Variants in COL24A1 observed in about 807,000 individuals in gnomAD.
The protein encoded by COL24A1 is collagen type XXIV alpha 1 chain, also known as collagen alpha-1(XXIV) chain.
A neutral mutation model predicts 253.9 loss-of-function variants in COL24A1; 224 were observed. The observed-to-expected ratio is 0.88, with a 90% confidence interval of 0.79 to 0.99. COL24A1 has a LOEUF of 0.99. COL24A1 is among the 50% of genes least tolerant of loss of function. The pLI, the probability that COL24A1 is intolerant of heterozygous loss-of-function variation, is 0.00. For missense variants in COL24A1, 2,131 were observed against 2,068.5 expected, an observed-to-expected ratio of 1.03 and a Z score of -0.59; for synonymous variants, 685 against 673.7, an observed-to-expected ratio of 1.02 and a Z score of -0.26.
chr1:85,875,140 T>C, intron 34 of COL24A1, 137 bp downstream of exon 34: 1 of 726,870 alleles, frequency 1.4e-6, no homozygotes, highest in Non-Finnish European at 2.3e-6. Context: ...GAATAGGAGT[T>C]CCAAAACATT....
chr1:85,997,039 A>ATGTGTGTGTGTGTGTGTGTGTG (rs1491173763), intron 19 of COL24A1, among the ~76,000 whole-genome samples: 24 of 48,444 alleles, frequency 5.0e-4, no homozygotes, highest in South Asian at 1.8e-3. Context: ...ATATATATAT[A>ATGTGTGTGTGTGTGTGTGTGTG]TATGTGTGTG....
At chr1:85,994,962 T>G (rs1362720559) in intron 19 of COL24A1, among the ~76,000 whole-genome samples, 1 of 152,190 alleles carries the variant, frequency 6.6e-6, no homozygotes, top group Non-Finnish European at 1.5e-5. Flanking sequence ...TAGTGACTAC[T>G]GCTATTCATA....
At chr1:86,114,792 T>C (rs948845129) in intron 4 of COL24A1, among the ~76,000 whole-genome samples, 2 of 152,218 alleles carry the variant, frequency 1.3e-5, no homozygotes, top group Non-Finnish European at 2.9e-5. Flanking sequence ...TGTAGTAAAA[T>C]ATCCACACTT....
At chr1:86,079,582 A>C (rs1453328648) in intron 7 of COL24A1, among the ~76,000 whole-genome samples, 2 of 152,216 alleles carry the variant, frequency 1.3e-5, no homozygotes, top group East Asian at 1.9e-4. Context: ...ACTAGAATGT[A>C]GAAGGTGCTC....
In COL24A1 at chr1:86,125,360, C is replaced by A; in HGVS notation, c.976G>T (p.Asp326Tyr). 6.2e-7 allele frequency: 1 copy of A among 1,613,612 alleles called. No individual in the cohort carries two copies. The highest frequency in any genetic ancestry group is 8.5e-7 in the Non-Finnish European group (1 of 1,179,792). Residue 326 changes from aspartate to tyrosine, a missense_variant, in exon 3 of 60, where the codon GAT (aspartate) becomes TAT (tyrosine). Asp to Tyr is a radical substitution (Grantham distance 160, BLOSUM62 -3). Transcript: ENST00000370571. ...SLQSGNVSAV[D>Y]LTNHGIQAKE... is the part of the protein sequence containing the mutation. ...GCCTGAATCCCATGGTTTGTGAGAT[C>A]CACAGCAGAGACATTTCCTGACTGA...
intron 20 of COL24A1, among the ~76,000 whole-genome samples, chr1:85,981,211 G>T (rs751402003): frequency 4.6e-5 from 7 of 152,072 alleles, no homozygotes; most frequent in Non-Finnish European, 8.8e-5. Context: ...TAAGCAAAAA[G>T]AACAAATCTG....
At chr1:85,890,867 C>T (rs1683050372) in intron 31 of COL24A1, among the ~76,000 whole-genome samples, 1 of 151,970 alleles carries the variant, frequency 6.6e-6, no homozygotes, top group Non-Finnish European at 1.5e-5. Flanking sequence ...TTCCTTTTTT[C>T]CCCATCTTTA....
intron 32 of COL24A1, among the ~76,000 whole-genome samples, chr1:85,887,867 C>A (rs1258103247): frequency 1.3e-5 from 2 of 151,956 alleles, no homozygotes; most frequent in Non-Finnish European, 2.9e-5. Flanking sequence ...AGATCTTTTT[C>A]TTTTCTCACT....
intron 5 of COL24A1, among the ~76,000 whole-genome samples, chr1:86,112,101 GGTTA>G (rs1705677342): frequency 6.6e-6 from 1 of 152,066 alleles, no homozygotes; most frequent in Admixed American, 6.6e-5. Flanking sequence ...TAGATTTTCA[GGTTA>G]GTTGTTTTCA....
chr1:85,832,990 T>A (rs1193600498), intron 43 of COL24A1, among the ~76,000 whole-genome samples: 1 of 151,878 alleles, frequency 6.6e-6, no homozygotes, highest in Non-Finnish European at 1.5e-5. Context: ...AGAGAGGGCA[T>A]CCCTGTCTTG....
chr1:86,066,378 T>A (rs6670159), intron 7 of COL24A1, among the ~76,000 whole-genome samples: 64,449 of 150,700 alleles, frequency 0.43, 14,395 homozygotes, highest in Middle Eastern at 0.63. Context: ...AGCTGGGACT[T>A]CAGGCGCCCG....
intron 47 of COL24A1, among the ~76,000 whole-genome samples, chr1:85,799,210 T>TAAAA (rs200175901): frequency 0.02 from 611 of 30,724 alleles, 24 homozygotes; most frequent in African/African-American, 0.041. Flanking sequence ...CTTGGCCACA[T>TAAAA]AAAAGAAAGA....
intron 5 of COL24A1, among the ~76,000 whole-genome samples, chr1:86,095,300 T>C (rs994156721): frequency 1.4e-4 from 21 of 152,102 alleles, no homozygotes; most frequent in Non-Finnish European, 1.9e-4. Context: ...TAAAGGGTAC[T>C]TTTTCTTCAT....
At chr1:85,857,733 A>T (rs928914222) in intron 37 of COL24A1, among the ~76,000 whole-genome samples, 1 of 152,150 alleles carries the variant, frequency 6.6e-6, no homozygotes, top group Non-Finnish European at 1.5e-5. Flanking sequence ...TGAAGAAACT[A>T]CTACTTTATA....
intron 37 of COL24A1, among the ~76,000 whole-genome samples, chr1:85,867,211 C>A (rs540920397): frequency 3.9e-5 from 6 of 152,006 alleles, no homozygotes; most frequent in Admixed American, 3.3e-4. Context: ...AGGTTAGAAA[C>A]CAGAGGAAAA....
At chr1:85,747,756 T>C (rs1665411981) in intron 55 of COL24A1, among the ~76,000 whole-genome samples, 1 of 152,196 alleles carries the variant, frequency 6.6e-6, no homozygotes, top group African/African-American at 2.4e-5. Context: ...TCTTCTTTCA[T>C]ATTATACCTT....
chr1:86,121,435 A>T (rs1175930477), intron 3 of COL24A1, among the ~76,000 whole-genome samples: 1 of 152,174 alleles, frequency 6.6e-6, no homozygotes, highest in Non-Finnish European at 1.5e-5. Context: ...GAATTACTCC[A>T]TACAACAGAT....
chr1:85,870,474 G>T (rs1207817958), intron 35 of COL24A1, among the ~76,000 whole-genome samples: 1 of 152,212 alleles, frequency 6.6e-6, no homozygotes, highest in Non-Finnish European at 1.5e-5. Flanking sequence ...AAGTGTAAAA[G>T]AACAGAAATT....
intron 53 of COL24A1, among the ~76,000 whole-genome samples, chr1:85,766,229 G>C (rs1181665958): frequency 1.3e-5 from 2 of 151,800 alleles, no homozygotes; most frequent in East Asian, 1.9e-4. Context: ...AATTAGCTGG[G>C]TGTGGTGCTG....
Sources: allele counts gnomAD v4.1 joint callset (sites outside exome capture counted in the v4.1 genomes callset), GRCh38; gene constraint gnomAD v4.1.1; transcripts MANE v1.5; gene names NCBI Gene and HGNC (gene_info 2026-07-23, HGNC 2026-07-21).